Variants in PACRG observed in about 807,000 individuals in gnomAD.
The protein encoded by PACRG is parkin coregulated, also known as parkin coregulated gene protein.
A neutral mutation model predicts 29.7 loss-of-function variants in PACRG; 29 were observed. The observed-to-expected ratio is 0.98, with a 90% CI of 0.73 to 1.33. The LOEUF (loss-of-function observed/expected upper bound fraction) is 1.33. Ranked by LOEUF, PACRG falls within the 40% of genes most tolerant of loss-of-function variation. The pLI, the probability that PACRG is intolerant of heterozygous loss-of-function variation, is 0.00. For synonymous variants in PACRG, 116 were observed against 118.7 expected, an observed-to-expected ratio of 0.98 and a Z score of 0.15; for missense variants, 279 against 316.2, an observed-to-expected ratio of 0.88 and a Z score of 0.89.
chr6:163,033,328 C>T (rs191104675), intron 2 of PACRG, among the ~76,000 whole-genome samples: 75 of 152,302 alleles, frequency 4.9e-4, no homozygotes, highest in Middle Eastern at 6.8e-3. Context: ...CGTTTAACTT[C>T]ACATGTCTCA....
intron 2 of PACRG, among the ~76,000 whole-genome samples, chr6:162,942,635 A>G (rs1016961094): frequency 1.3e-5 from 2 of 152,102 alleles, no homozygotes; most frequent in South Asian, 4.1e-4. Flanking sequence ...CTCTTTTTGA[A>G]CATATTTGTC....
At chr6:162,802,637 A>G (rs1363879309) in intron 1 of PACRG, among the ~76,000 whole-genome samples, 2 of 152,158 alleles carry the variant, frequency 1.3e-5, no homozygotes, top group Admixed American at 1.3e-4. Context: ...AAAGGCTCCT[A>G]TAGAATACAG....
intron 4 of PACRG, among the ~76,000 whole-genome samples, chr6:163,301,679 A>G (rs1311446262): frequency 6.6e-6 from 1 of 152,226 alleles, no homozygotes; most frequent in African/African-American, 2.4e-5. Context: ...CTGTGGGGCT[A>G]TACTTCCTGT....
intron 4 of PACRG, among the ~76,000 whole-genome samples, chr6:163,198,752 C>G (rs1170037722): frequency 6.6e-6 from 1 of 152,112 alleles, no homozygotes; most frequent in African/African-American, 2.4e-5. Flanking sequence ...GTTTCTTTTG[C>G]CAAGGTTGAG....
chr6:163,165,959 T>G, intron 4 of PACRG: 1 of 375,562 alleles, frequency 2.7e-6, no homozygotes, highest in South Asian at 2.0e-5. Flanking sequence ...GAATTATTTT[T>G]AAAACGTTAT....
intron 1 of PACRG, among the ~76,000 whole-genome samples, chr6:162,748,349 C>T (rs1781250391): frequency 6.6e-6 from 1 of 151,998 alleles, no homozygotes; most frequent in South Asian, 2.1e-4. Context: ...AAAAATTAGC[C>T]AGGCGTGGTG....
chr6:162,828,739 A>T (rs1421174745), intron 2 of PACRG, among the ~76,000 whole-genome samples: 4 of 152,170 alleles, frequency 2.6e-5, no homozygotes, highest in African/African-American at 4.8e-5. Context: ...TATTGTCTAA[A>T]TTATTTTTAA....
At chr6:162,787,646 C>T (rs1207460355) in intron 1 of PACRG, among the ~76,000 whole-genome samples, 1 of 122,486 alleles carries the variant, frequency 8.2e-6, no homozygotes, top group African/African-American at 3.1e-5. Flanking sequence ...TTTTGCTAGG[C>T]AGACATATGT....
At chr6:162,910,727 T>C (rs563622978) in intron 2 of PACRG, among the ~76,000 whole-genome samples, 1 of 152,220 alleles carries the variant, frequency 6.6e-6, no homozygotes, top group Non-Finnish European at 1.5e-5. Context: ...TTCTCCATTC[T>C]TGTGTGTCAG....
chr6:162,985,140 G>C (rs1475505775), intron 2 of PACRG, among the ~76,000 whole-genome samples: 1 of 151,998 alleles, frequency 6.6e-6, no homozygotes, highest in Admixed American at 6.6e-5. Flanking sequence ...AGAAGAATTG[G>C]TACCAATCAT....
At chr6:163,262,556 A>G (rs923333285) in intron 4 of PACRG, among the ~76,000 whole-genome samples, 7 of 151,862 alleles carry the variant, frequency 4.6e-5, no homozygotes, top group African/African-American at 1.7e-4. Flanking sequence ...ATAATATATC[A>G]CAAATTGACA....
intron 2 of PACRG, among the ~76,000 whole-genome samples, chr6:163,045,854 T>C (rs1236941970): frequency 5.9e-5 from 9 of 151,926 alleles, no homozygotes; most frequent in Admixed American, 5.9e-4. Context: ...GACCTCATGA[T>C]CCACCCGCCT....
chr6:162,926,965 A>T (rs1797489249), intron 2 of PACRG, among the ~76,000 whole-genome samples: 1 of 152,118 alleles, frequency 6.6e-6, no homozygotes, highest in African/African-American at 2.4e-5. Context: ...ACAAGAAAAA[A>T]CAAACAACTC....
chr6:163,279,352 G>T (rs1281474849), intron 4 of PACRG, among the ~76,000 whole-genome samples: 1 of 152,104 alleles, frequency 6.6e-6, no homozygotes, highest in Non-Finnish European at 1.5e-5. Flanking sequence ...GATTGCTCTG[G>T]CTAGGACTTC....
chr6:163,276,264 G>A (rs1340140253), intron 4 of PACRG, among the ~76,000 whole-genome samples: 1 of 152,128 alleles, frequency 6.6e-6, no homozygotes, highest in African/African-American at 2.4e-5. Flanking sequence ...CTGGGCTCAA[G>A]TAATCTTTCC....
intron 2 of PACRG, among the ~76,000 whole-genome samples, chr6:162,816,445 T>C (rs1459944919): frequency 2.6e-5 from 4 of 152,136 alleles, no homozygotes; most frequent in African/African-American, 4.8e-5. Flanking sequence ...CTCCGCCTCC[T>C]GGGTTCACGC....
At position 162,889,973 on chromosome 6, in the gene PACRG, A is replaced by G. The variant is rs557764348; in HGVS notation, c.291+75692A>G. Among the ~76,000 whole-genome samples the G allele has an allele frequency of 1.2e-3, 186 of 152,382 alleles. 1 individual carries two copies. The highest frequency in any genetic ancestry group is 3.4e-3 in the African/African-American group (141 of 41,602). ...ATTGTAATGGTGATGTGTAACTCAT[A>G]ACCTGAAATAAACTATGTCAAATCG... On this transcript the variant is annotated intron_variant, in intron 2 of 4. Coordinates refer to ENST00000366888, the MANE Select transcript of PACRG (RefSeq NM_001080379.2).
chr6:162,827,529 G>A (rs550392002), intron 2 of PACRG, among the ~76,000 whole-genome samples: 3 of 152,240 alleles, frequency 2.0e-5, no homozygotes, highest in Admixed American at 1.3e-4. Context: ...TGAGCTCCAC[G>A]ACCAAATGAA....
intron 2 of PACRG, among the ~76,000 whole-genome samples, chr6:162,886,296 C>T (rs1452197599): frequency 6.6e-6 from 1 of 152,142 alleles, no homozygotes; most frequent in Non-Finnish European, 1.5e-5. Flanking sequence ...TCTGGCCAGT[C>T]ATTCTCAGAC....
Sources: gnomAD v4.1 joint callset for allele counts (sites outside exome capture counted in the v4.1 genomes callset) on GRCh38, gnomAD v4.1.1 for gene constraint, MANE v1.5 for transcripts, NCBI Gene and HGNC (gene_info 2026-07-23, HGNC 2026-07-21) for gene names.